ASPRV1: variants seen among roughly 807,000 people sequenced by gnomAD.
ASPRV1 encodes the protein retroviral-like aspartic protease 1.
A neutral mutation model predicts 11.0 loss-of-function variants in ASPRV1; 7 were observed. That is an observed-to-expected ratio of 0.64 (90% CI 0.36 to 1.20). ASPRV1 has a LOEUF of 1.20. Among genes scored for constraint, ASPRV1 ranks in the 50% most tolerant of loss-of-function variants. The pLI, the probability that ASPRV1 is intolerant of heterozygous loss-of-function variation, is 0.02. For synonymous variants in ASPRV1, 136 were observed against 138.4 expected (o/e 0.98, Z 0.12); for missense variants, 299 against 320.0 (o/e 0.93, Z 0.50).
chr2:70,030,829 G>A, the ASPRV1 span: 1 of 152,226 alleles, frequency 6.6e-6, no homozygotes, highest in African/African-American at 2.4e-5. Context: ...AATCAAGGAG[G>A]ATCTGAATAA....
the ASPRV1 span, among the ~76,000 whole-genome samples, chr2:70,006,351 G>A: frequency 1.3e-5 from 2 of 152,178 alleles, no homozygotes; most frequent in African/African-American, 2.4e-5. Flanking sequence ...GCCCCCTACG[G>A]TTAGGTGTAG....
At chr2:69,992,521 G>A in the ASPRV1 span, among the ~76,000 whole-genome samples, 5 of 152,156 alleles carry the variant, frequency 3.3e-5, no homozygotes, top group East Asian at 9.6e-4. Flanking sequence ...AATCATTTGC[G>A]ATTTCATCAT....
At chr2:69,956,479 A>AAG (rs1677943860), downstream of ASPRV1, among the ~76,000 whole-genome samples, 35 of 132,046 alleles carry the variant, frequency 2.7e-4, 1 homozygote, top group East Asian at 8.7e-4. Flanking sequence ...AGAAGAAGAA[A>AAG]AGAGGAAGAA....
At position 69,961,532 on chromosome 2, in the gene ASPRV1, CTCGAAGCAGAGTGGGGA is replaced by C. The variant is rs1422854006; in HGVS notation, c.-113_-97del. 4 of 1,614,154 alleles carry C rather than the reference CTCGAAGCAGAGTGGGGA, an allele frequency of 2.5e-6. No individual in the cohort carries two copies. Among genetic ancestry groups the C allele is most frequent in the Non-Finnish European group, 3.4e-6 (4 of 1,180,030 alleles). On this transcript the variant is annotated 5_prime_UTR_variant, in exon 1 of 1. Transcript: ENST00000320256. ...GCAATCACGCTGGAAAACGGGGCCT[CTCGAAGCAGAGTGGGGA>C]TGACTTGCCCGGCCTTGGGCAAGCA...
chr2:70,036,337 TGCAAAATGAATGAAGC>T, the ASPRV1 span, among the ~76,000 whole-genome samples: 1 of 152,030 alleles, frequency 6.6e-6, no homozygotes, highest in Admixed American at 6.5e-5. Context: ...TGTTGTAGCA[TGCAAAATGAATGAAGC>T]AGAAAATGAA....
chr2:70,036,414 TAAG>T, the ASPRV1 span, among the ~76,000 whole-genome samples: 60 of 151,704 alleles, frequency 4.0e-4, 1 homozygote, highest in Non-Finnish European at 1.5e-4. Flanking sequence ...TATGAAATAA[TAAG>T]GTAGCAACTA....
chr2:70,038,600 G>T, the ASPRV1 span, among the ~76,000 whole-genome samples: 132 of 149,522 alleles, frequency 8.8e-4, no homozygotes, highest in Non-Finnish European at 1.6e-4. Flanking sequence ...GGAAAAAAAA[G>T]CGTATGAAGC....
the ASPRV1 span, among the ~76,000 whole-genome samples, chr2:70,051,795 G>A: frequency 6.6e-6 from 1 of 151,840 alleles, no homozygotes; most frequent in Non-Finnish European, 1.5e-5. Context: ...GCAACACATT[G>A]AGACCCCATC....
chr2:69,988,845 T>G, the ASPRV1 span: 1 of 455,986 alleles, frequency 2.2e-6, no homozygotes, highest in Non-Finnish European at 4.4e-6. Context: ...GAGTCTGGAG[T>G]AGGATGGGAG....
chr2:69,959,162 G>C (rs1460974161), downstream of ASPRV1, among the ~76,000 whole-genome samples: 1 of 152,150 alleles, frequency 6.6e-6, no homozygotes, highest in Non-Finnish European at 1.5e-5. Context: ...GTCCAGGTGG[G>C]AACTTCAAGA....
the ASPRV1 span, among the ~76,000 whole-genome samples, chr2:69,979,123 C>T: frequency 1.3e-5 from 2 of 150,556 alleles, no homozygotes; most frequent in African/African-American, 4.9e-5. Flanking sequence ...CAAGCTCCAC[C>T]TCCTGGATTC....
the ASPRV1 span, among the ~76,000 whole-genome samples, chr2:69,951,598 TATG>T: frequency 2.7e-5 from 4 of 150,886 alleles, no homozygotes; most frequent in African/African-American, 9.7e-5. Flanking sequence ...GATAGATAGA[TATG>T]ATATGTAGCT....
the ASPRV1 span, chr2:70,085,398 C>G: frequency 6.6e-6 from 1 of 152,148 alleles, no homozygotes; most frequent in Non-Finnish European, 1.5e-5. Flanking sequence ...TCAGGAAAAG[C>G]TGGGAGCTGC....
the ASPRV1 span, chr2:70,053,638 G>C: frequency 1.3e-5 from 2 of 152,320 alleles, no homozygotes; most frequent in Non-Finnish European, 2.9e-5. Flanking sequence ...GCAGAGGATA[G>C]AAACCTGAGA....
At chr2:69,963,294 A>G (rs1356525291), upstream of ASPRV1, 1 of 456,502 alleles carries the variant, frequency 2.2e-6, no homozygotes, top group African/African-American at 2.0e-5. Flanking sequence ...TGTTGAGAGC[A>G]GGTGGTTCTT....
chr2:70,022,904 C>T, the ASPRV1 span, among the ~76,000 whole-genome samples: 4 of 151,992 alleles, frequency 2.6e-5, no homozygotes, highest in African/African-American at 9.7e-5. Flanking sequence ...ATAAAAGGGT[C>T]CTGAGACCAA....
chr2:70,049,365 C>G, the ASPRV1 span: 2 of 152,034 alleles, frequency 1.3e-5, no homozygotes, highest in South Asian at 4.1e-4. Flanking sequence ...GGCTACTCTT[C>G]TTCAACATCT....
At chr2:69,933,128 G>A in the ASPRV1 span, among the ~76,000 whole-genome samples, 3 of 150,032 alleles carry the variant, frequency 2.0e-5, no homozygotes, top group African/African-American at 7.4e-5. Context: ...GAGCCTGGGA[G>A]GCAGAGGTTG....
chr2:70,079,031 C>T, the ASPRV1 span, among the ~76,000 whole-genome samples: 1 of 152,152 alleles, frequency 6.6e-6, no homozygotes, highest in African/African-American at 2.4e-5. Context: ...TTAAGGGAGA[C>T]TCTCTATATA....
Sources: gnomAD v4.1 joint callset for allele counts (sites outside exome capture counted in the v4.1 genomes callset) on GRCh38, gnomAD v4.1.1 for gene constraint, MANE v1.5 for transcripts, NCBI Gene and HGNC (gene_info 2026-07-23, HGNC 2026-07-21) for gene names.